Variants in AR observed in about 807,000 individuals in gnomAD.
AR encodes dihydrotestosterone receptor.
A neutral mutation model predicts 53.9 loss-of-function variants in AR; 8 were observed. That is an observed-to-expected ratio of 0.15 (90% CI 0.09 to 0.27). The LOEUF (loss-of-function observed/expected upper bound fraction) is 0.27, where lower values mean the gene tolerates loss of function less well. Ranked by LOEUF, AR falls within the 10% of genes least tolerant of loss-of-function variation. The pLI is 1.00. For synonymous variants in AR, 359 were observed against 316.4 expected, an observed-to-expected ratio of 1.13 and a Z score of -1.43; for missense variants, 639 against 742.5, an observed-to-expected ratio of 0.86 and a Z score of 1.62.
intron 1 of AR, among the ~76,000 whole-genome samples, chrX:67,615,155 A>G (rs967417001): frequency 2.7e-5 from 3 of 111,371 alleles, no homozygotes; most frequent in African/African-American, 9.7e-5. Flanking sequence ...AAAAGAGCAG[A>G]AAGAATATTT....
chrX:67,642,080 G>A (rs908761363), intron 1 of AR, among the ~76,000 whole-genome samples: 7 of 111,237 alleles, frequency 6.3e-5, no homozygotes, highest in South Asian at 7.6e-4. Flanking sequence ...CAGAGTTTTC[G>A]TTAGGTGTTG....
At chrX:67,682,124 C>G (rs1037968623) in intron 2 of AR, among the ~76,000 whole-genome samples, 4 of 111,587 alleles carry the variant, frequency 3.6e-5, no homozygotes, top group African/African-American at 1.3e-4. Context: ...ACATTATATT[C>G]AATGACCAGG....
chrX:67,665,738 CTGA>C (rs1927232019), intron 2 of AR, among the ~76,000 whole-genome samples: 2 of 111,672 alleles, frequency 1.8e-5, no homozygotes, highest in South Asian at 7.5e-4. Context: ...AGTGAGTGAC[CTGA>C]CCCATTTTTG....
At chrX:67,648,955 G>A (rs915837840) in intron 2 of AR, among the ~76,000 whole-genome samples, 2 of 111,217 alleles carry the variant, frequency 1.8e-5, no homozygotes, top group Non-Finnish European at 3.8e-5. Context: ...TACACGTGCC[G>A]TGGTGGTGTG....
intron 3 of AR, among the ~76,000 whole-genome samples, chrX:67,702,865 C>CT (rs1435308867): frequency 9.0e-6 from 1 of 111,678 alleles, no homozygotes; most frequent in Non-Finnish European, 1.9e-5. Context: ...GGGAGGATTG[C>CT]TTAAGGCCAG....
At chrX:67,686,688 A>G (rs1328796088) in intron 3 of AR, among the ~76,000 whole-genome samples, 1 of 111,836 alleles carries the variant, frequency 8.9e-6, no homozygotes, top group African/African-American at 3.2e-5. Flanking sequence ...TATCTCTCCC[A>G]AAGATGAGCA....
chrX:67,678,677 C>T (rs182778978), intron 2 of AR, among the ~76,000 whole-genome samples: 278 of 111,583 alleles, frequency 2.5e-3, no homozygotes, highest in African/African-American at 8.4e-3. Context: ...GATCCTCTCC[C>T]TTCTCCCACC....
intron 1 of AR, among the ~76,000 whole-genome samples, chrX:67,633,758 T>C (rs1164824869): frequency 8.9e-6 from 1 of 111,773 alleles, no homozygotes; most frequent in Non-Finnish European, 1.9e-5. Flanking sequence ...TCATACATGC[T>C]CCAACATGGA....
chrX:67,555,902 C>A (rs1475297215), intron 1 of AR, among the ~76,000 whole-genome samples: 1 of 112,495 alleles, frequency 8.9e-6, no homozygotes, highest in Non-Finnish European at 1.9e-5. Context: ...AACTGCCTAG[C>A]ACCAGACAAT....
intron 3 of AR, among the ~76,000 whole-genome samples, chrX:67,710,499 A>G (rs1216745022): frequency 9.1e-6 from 1 of 109,748 alleles, no homozygotes; most frequent in East Asian, 2.9e-4. Flanking sequence ...TTGGTTTTTT[A>G]CTATTTTTTG....
At chrX:67,686,821 T>G (rs2075969369) in intron 3 of AR, among the ~76,000 whole-genome samples, 1 of 111,320 alleles carries the variant, frequency 9.0e-6, no homozygotes, top group African/African-American at 3.3e-5. Context: ...TCCTCTATCA[T>G]AAGGCTCTCT....
At chrX:67,631,915 G>C (rs1265583521) in intron 1 of AR, among the ~76,000 whole-genome samples, 4 of 113,183 alleles carry the variant, frequency 3.5e-5, no homozygotes. Flanking sequence ...GTGTCAGTCT[G>C]CCCCTGCTGG....
At position 67,544,960 on chromosome X, in the gene AR, G is replaced by C. The variant is rs2147313349; in HGVS notation, c.-187G>C. The C allele has an allele frequency of 1.9e-6, 1 of 536,006 alleles. No individual in the cohort carries two copies. The highest frequency in any genetic ancestry group is 2.4e-5 in the African/African-American group (1 of 41,879). 44.2% of individuals were successfully genotyped at this position (536,006 alleles called of 1,213,427 possible). On this transcript the variant is annotated 5_prime_UTR_variant, in exon 1 of 8. Transcript: ENST00000374690. ...GTCCACCGTGTGTCTTCTTCTGCAC[G>C]AGACTTTGAGGCTGTCAGAGCGCTT...
intron 2 of AR, among the ~76,000 whole-genome samples, chrX:67,661,648 A>C (rs1926925162): frequency 9.0e-6 from 1 of 111,381 alleles, no homozygotes; most frequent in Admixed American, 9.6e-5. Context: ...TCGGTCTAAA[A>C]TTCTCTTTTT....
At chrX:67,618,086 T>C (rs1234467637) in intron 1 of AR, among the ~76,000 whole-genome samples, 2 of 112,151 alleles carry the variant, frequency 1.8e-5, no homozygotes, top group Admixed American at 1.9e-4. Flanking sequence ...AACATTTTCC[T>C]TCTCAGTTTT....
chrX:67,561,707 G>T (rs1251545092), intron 1 of AR, among the ~76,000 whole-genome samples: 1 of 111,012 alleles, frequency 9.0e-6, no homozygotes, highest in African/African-American at 3.3e-5. Context: ...GTTAAATTCT[G>T]GTCAGACACA....
At position 67,723,950 on chromosome X, in the gene AR, A is replaced by G. The variant is rs2076148029; in HGVS notation, c.*109A>G. ...TGCAGTGCCTTGGGGAATTTCCTCT[A>G]TTGATGTACAGTCTGTCATGAACAT... On this transcript the variant is annotated 3_prime_UTR_variant, in exon 8 of 8. Coordinates refer to ENST00000374690, the MANE Select transcript of AR (RefSeq NM_000044.6). 1 of 988,831 alleles carries G rather than the reference A, an allele frequency of 1.0e-6. No homozygotes were observed. The highest frequency in any genetic ancestry group is 1.9e-5 in the African/African-American group (1 of 52,528). 81.5% of individuals were successfully genotyped at this position (988,831 alleles called of 1,213,427 possible).
chrX:67,720,446 G>A (rs911215228), intron 5 of AR, among the ~76,000 whole-genome samples: 1 of 111,672 alleles, frequency 9.0e-6, no homozygotes, highest in African/African-American at 3.3e-5. Context: ...AAAGATTGCA[G>A]CATTGTCATC....
rs1355768465 is a variant in AR, at chrX:67,568,897, A to C, written c.1616+22135A>C. On this transcript the variant is annotated intron_variant, in intron 1 of 7. Coordinates refer to ENST00000374690, the MANE Select transcript of AR (RefSeq NM_000044.6). ...ATCTGTTCCATCTTCTTGCCTATGCAAATGCCTGCCTGAAGCTGCTGGAGG... is the reference window on the plus strand; with the variant it reads ...ATCTGTTCCATCTTCTTGCCTATGCCAATGCCTGCCTGAAGCTGCTGGAGG... 7.9e-5 allele frequency: 95 copies of C among 1,203,655 alleles called. 3 individuals are homozygous for C. In the South Asian group the frequency reaches 1.6e-3, roughly 21 times the overall value.
Sources: allele counts gnomAD v4.1 joint callset (sites outside exome capture counted in the v4.1 genomes callset), GRCh38; gene constraint gnomAD v4.1.1; transcripts MANE v1.5; gene names NCBI Gene and HGNC (gene_info 2026-07-23, HGNC 2026-07-21).